The following SRPRB variants were observed in gnomAD, a reference collection of about 807,000 sequenced individuals.
SRPRB encodes SRP receptor subunit beta, also known as signal recognition particle receptor subunit beta.
In SRPRB, 20 loss-of-function variants were observed where a neutral mutation model predicts 31.9. That is an observed-to-expected ratio of 0.63 (90% CI 0.44 to 0.91). The LOEUF (loss-of-function observed/expected upper bound fraction) is 0.91, where lower values mean the gene tolerates loss of function less well. Among genes scored for constraint, SRPRB ranks in the 40% least tolerant of loss-of-function variants. The pLI is 0.00. For synonymous variants in SRPRB, 146 were observed against 132.8 expected (o/e 1.10, Z -0.68); for missense variants, 321 against 324.9 (o/e 0.99, Z 0.09).
At chr3:133,823,211 G>T (rs1935501780), downstream of SRPRB, among the ~76,000 whole-genome samples, 1 of 152,212 alleles carries the variant, frequency 6.6e-6, no homozygotes, top group African/African-American at 2.4e-5. Flanking sequence ...TGATGCTGAT[G>T]TGTGAGGCAC....
intron 1 of SRPRB, chr3:133,792,542 A>T (rs1038130378): frequency 2.6e-5 from 4 of 152,204 alleles, no homozygotes; most frequent in Non-Finnish European, 5.9e-5. Flanking sequence ...AGACTCCACA[A>T]CTAATATATA....
At chr3:133,825,040 C>CTT (rs903044331), downstream of SRPRB, 1 of 152,194 alleles carries the variant, frequency 6.6e-6, no homozygotes, top group African/African-American at 2.4e-5. Context: ...GCCTCACATT[C>CTT]TTTGGGGAGA....
chr3:133,826,123 C>T (rs1935558606), downstream of SRPRB: 1 of 152,206 alleles, frequency 6.6e-6, no homozygotes, highest in African/African-American at 2.4e-5. Context: ...GGGGCGGAAA[C>T]CGCACGTGCC....
chr3:133,790,972 G>A (rs899084823), intron 1 of SRPRB: 2 of 152,068 alleles, frequency 1.3e-5, no homozygotes, highest in Non-Finnish European at 2.9e-5. Context: ...GTTCCTATTT[G>A]TTTTTGCTTC....
chr3:133,805,911 C>T lies in SRPRB; in HGVS notation c.63C>T (p.Pro21=). Residue 21 remains proline (P), a synonymous_variant, in exon 1 of 7, where the codon CCC becomes CCT. Coordinates refer to ENST00000678299, the MANE Select transcript of SRPRB (RefSeq NM_001379313.1). ...GCGGTGCCGGGGGCACCTTCCAGCC[C>T]TACCTAGACACCTTGCGGCAGGAGC... ...DGGGAGGTFQ[P]YLDTLRQELQ... 6.2e-7 allele frequency: 1 copy of T among 1,614,068 alleles called. No homozygotes were observed. Among genetic ancestry groups the T allele is most frequent in the Non-Finnish European group, 8.5e-7 (1 of 1,179,924 alleles).
intron 1 of SRPRB, among the ~76,000 whole-genome samples, chr3:133,797,279 A>G (rs1332124497): frequency 6.6e-6 from 1 of 152,244 alleles, no homozygotes; most frequent in Non-Finnish European, 1.5e-5. Context: ...CTTCAAAAGT[A>G]GAATTGTTAA....
At chr3:133,807,388 G>A (rs1027719030) in intron 2 of SRPRB, among the ~76,000 whole-genome samples, 19 of 151,662 alleles carry the variant, frequency 1.3e-4, no homozygotes, top group African/African-American at 4.6e-4. Context: ...GAGTAGCTGG[G>A]ACTACAGGCG....
chr3:133,816,912 A>G lies in SRPRB; in HGVS notation c.582A>G (p.Gln194=). 1 of 1,611,368 alleles carries G rather than the reference A, an allele frequency of 6.2e-7. No individual in the cohort carries two copies. The highest frequency in any genetic ancestry group is 8.5e-7 in the Non-Finnish European group (1 of 1,178,696). The change falls in exon 6 of 7, where the codon CAA becomes CAG. Residue 194 remains glutamine (Q), a synonymous_variant. Transcript: ENST00000678299. The stretch of plus-strand genomic sequence containing the variant: ...TGGCAAAATCAGCAAAGTTAATTCA[A>G]CAGCAGCTGGAGAAAGAACTGTAAG... ...IAMAKSAKLI[Q]QQLEKELNTL... is the part of the protein sequence containing the mutation.
chr3:133,825,915 A>G (rs1935554618), downstream of SRPRB: 1 of 152,240 alleles, frequency 6.6e-6, no homozygotes, highest in Admixed American at 6.5e-5. Flanking sequence ...CAAAGATGCA[A>G]TGCTCTTGCT....
chr3:133,804,003 G>A (rs1422246058), upstream of SRPRB, among the ~76,000 whole-genome samples: 2 of 148,408 alleles, frequency 1.3e-5, no homozygotes, highest in African/African-American at 5.0e-5. Context: ...GGCTGAGGCA[G>A]GAGAATGGCG....
At position 133,784,471 on chromosome 3, in the gene SRPRB, A is replaced by AAAAAAAATAAT. The variant is rs763086171; in HGVS notation, c.-174+329_-174+330insAAAAATAATAA. On this transcript the variant is annotated intron_variant, in intron 1 of 7. Transcript: ENST00000466490. ...TCTTGTAAATTCCCATTTGTTAAAA[A>AAAAAAAATAAT]AATAATAATAATAATAATAATAATA... 2.8e-5 allele frequency: 3 copies of AAAAAAAATAAT among 105,596 alleles called. 1 individual carries two copies. Among genetic ancestry groups the AAAAAAAATAAT allele is most frequent in the African/African-American group, 7.5e-5 (2 of 26,606 alleles). The allele number at this position is 105,596 out of a possible 1,614,324, so 6.5% of individuals were successfully genotyped here. A position where few individuals can be genotyped will look rare whatever the true frequency, so the allele number is the denominator to read the frequency against.
Position 133,819,974 on chromosome 3 carries a change from A to G in SRPRB, c.*208A>G, listed in dbSNP as rs1196438713. ...CTCCCTTATGGCTGCCTTTCAAACA[A>G]GTACCTTTTATCTGATGCCTGTATC... is the stretch of plus-strand genomic sequence containing the variant. On this transcript the variant is annotated 3_prime_UTR_variant, in exon 7 of 7. Transcript: ENST00000678299. 2.2e-5 allele frequency: 12 copies of G among 550,096 alleles called. No homozygotes were observed. The highest frequency in any genetic ancestry group is 3.6e-5 in the Non-Finnish European group (11 of 307,938). 34.1% of individuals were successfully genotyped at this position (550,096 alleles called of 1,614,324 possible).
chr3:133,822,762 C>G (rs573008469), downstream of SRPRB, among the ~76,000 whole-genome samples: 14 of 152,348 alleles, frequency 9.2e-5, no homozygotes, highest in African/African-American at 3.1e-4. Flanking sequence ...CTGTCCTCAC[C>G]TGAAGGCCAT....
downstream of SRPRB, chr3:133,827,746 A>ACCCC (rs55951806): frequency 2.6e-4 from 19 of 73,662 alleles, 7 homozygotes; most frequent in South Asian, 5.9e-4. Context: ...TGCAGACAAC[A>ACCCC]CCCCCCCCCC....
upstream of SRPRB, among the ~76,000 whole-genome samples, chr3:133,803,707 C>G (rs1935096100): frequency 6.6e-6 from 1 of 151,296 alleles, no homozygotes; most frequent in South Asian, 2.1e-4. Context: ...CTCTGTTGCC[C>G]AGGCTGGAGT....
chr3:133,802,696 C>G (rs1199661560), upstream of SRPRB, among the ~76,000 whole-genome samples: 5 of 152,184 alleles, frequency 3.3e-5, no homozygotes, highest in Admixed American at 6.5e-5. Context: ...TTTCCTCATT[C>G]TTCATGTTCT....
upstream of SRPRB, among the ~76,000 whole-genome samples, chr3:133,802,914 T>C (rs188581579): frequency 2.0e-5 from 3 of 152,290 alleles, no homozygotes; most frequent in Admixed American, 1.3e-4. Flanking sequence ...CCCTCTCCCG[T>C]TGAGGTCCCT....
At position 133,819,595 on chromosome 3, in the gene SRPRB, G is replaced by GGA; in HGVS notation, c.646_647dup (p.Asp216GlufsTer62). On this transcript the variant is annotated frameshift_variant, in exon 7 of 7. Transcript: ENST00000678299. LOFTEE classifies it high-confidence loss of function. Reference sequence around the variant, plus strand: ...CCCGTTCTGCTGCCCCCAGCACACTGGACAGTTCCAGCACTGCCCCTGCTC... The same window carrying GGA: ...CCCGTTCTGCTGCCCCCAGCACACTGGAGACAGTTCCAGCACTGCCCCTGCTC... The GGA allele has an allele frequency of 6.2e-7, 1 of 1,614,180 alleles. No individual in the cohort carries two copies. Among genetic ancestry groups the GGA allele is most frequent in the Non-Finnish European group, 8.5e-7 (1 of 1,180,030 alleles).
downstream of SRPRB, chr3:133,825,958 C>T (rs994973673): frequency 2.0e-5 from 3 of 152,254 alleles, no homozygotes; most frequent in African/African-American, 7.2e-5. Flanking sequence ...ACATCTTCTT[C>T]AAGAGCACCT....
Sources: allele counts gnomAD v4.1 joint callset (sites outside exome capture counted in the v4.1 genomes callset), GRCh38; gene constraint gnomAD v4.1.1; transcripts MANE v1.5; gene names NCBI Gene and HGNC (gene_info 2026-07-23, HGNC 2026-07-21).